The following SPATA13 variants were observed in gnomAD, a reference collection of about 807,000 sequenced individuals.
The protein encoded by SPATA13 is spermatogenesis-associated protein 13.
In SPATA13, 50 loss-of-function variants were observed where a neutral mutation model predicts 104.0. The observed-to-expected ratio is 0.48, with a 90% CI of 0.38 to 0.61. The LOEUF (loss-of-function observed/expected upper bound fraction) is 0.61. Ranked by LOEUF, SPATA13 falls within the 20% of genes least tolerant of loss-of-function variation. The pLI, the probability that SPATA13 is intolerant of heterozygous loss-of-function variation, is 0.00. For missense variants in SPATA13, 1,524 were observed against 1,690.6 expected (o/e 0.90, Z 1.73); for synonymous variants, 606 against 667.5 (o/e 0.91, Z 1.42).
intron 3 of SPATA13, among the ~76,000 whole-genome samples, chr13:24,087,896 C>T (rs945334282): frequency 7.2e-5 from 11 of 152,188 alleles, no homozygotes; most frequent in Non-Finnish European, 1.2e-4. Context: ...CTGGTCCCAC[C>T]GGTAGTCTTG....
At chr13:24,124,027 A>T (rs896757933) in intron 3 of SPATA13, among the ~76,000 whole-genome samples, 1 of 152,120 alleles carries the variant, frequency 6.6e-6, no homozygotes, top group Non-Finnish European at 1.5e-5. Context: ...TCCAGCTAGG[A>T]AAGATTGGGC....
At chr13:24,258,038 T>G (rs1176682527) in intron 4 of SPATA13, among the ~76,000 whole-genome samples, 2 of 152,160 alleles carry the variant, frequency 1.3e-5, no homozygotes, top group African/African-American at 4.8e-5. Context: ...AAAACTAGCC[T>G]AACCAACATG....
intron 3 of SPATA13, among the ~76,000 whole-genome samples, chr13:24,150,022 G>C (rs771568782): frequency 2.0e-5 from 3 of 152,076 alleles, no homozygotes; most frequent in Non-Finnish European, 4.4e-5. Flanking sequence ...AGAGTCGGGG[G>C]ACTGTCCCAC....
At chr13:23,981,406 A>G (rs1158304058) in intron 1 of SPATA13, among the ~76,000 whole-genome samples, 6 of 152,246 alleles carry the variant, frequency 3.9e-5, no homozygotes, top group African/African-American at 1.4e-4. Context: ...CTGAGGCTCT[A>G]CTATGTGCTG....
At chr13:24,147,952 T>C (rs1472319916) in intron 3 of SPATA13, among the ~76,000 whole-genome samples, 1 of 152,212 alleles carries the variant, frequency 6.6e-6, no homozygotes, top group East Asian at 1.9e-4. Context: ...AAGGCTAATA[T>C]TCTATTGTAT....
intron 2 of SPATA13, among the ~76,000 whole-genome samples, chr13:24,014,879 A>ATTTT (rs10566756): frequency 0.05 from 3,944 of 78,524 alleles, 621 homozygotes; most frequent in Non-Finnish European, 0.075. Flanking sequence ...CACTTTCTGG[A>ATTTT]TTTTTTTTTT....
chr13:24,003,862 A>G (rs188690582), intron 2 of SPATA13, among the ~76,000 whole-genome samples: 5 of 152,358 alleles, frequency 3.3e-5, no homozygotes, highest in African/African-American at 9.6e-5. Flanking sequence ...GGGAAAAAAC[A>G]CAATATACAT....
At chr13:23,982,911 C>T (rs1440649732) in intron 1 of SPATA13, among the ~76,000 whole-genome samples, 1 of 152,228 alleles carries the variant, frequency 6.6e-6, no homozygotes, top group Non-Finnish European at 1.5e-5. Context: ...AAGATCCCTT[C>T]TCTCCCTCAC....
intron 4 of SPATA13, among the ~76,000 whole-genome samples, chr13:24,253,819 T>C (rs1384484370): frequency 2.0e-5 from 3 of 152,006 alleles, no homozygotes; most frequent in Non-Finnish European, 4.4e-5. Flanking sequence ...GGAAACATGA[T>C]GTGTCTGAGG....
intron 3 of SPATA13, among the ~76,000 whole-genome samples, chr13:24,036,681 T>C (rs1443538366): frequency 6.6e-6 from 1 of 152,154 alleles, no homozygotes; most frequent in Non-Finnish European, 1.5e-5. Context: ...TGTGAGATCA[T>C]AGACAAATTG....
intron 3 of SPATA13, among the ~76,000 whole-genome samples, chr13:24,027,048 G>A (rs556980388): frequency 6.6e-6 from 1 of 151,476 alleles, no homozygotes; most frequent in Non-Finnish European, 1.5e-5. Context: ...ATATATGTAA[G>A]AAAGTTGATT....
In SPATA13 at chr13:24,212,789, G is replaced by T. The variant is rs117337861; in HGVS notation, c.-111-10030G>T. Among the ~76,000 whole-genome samples the T allele has an allele frequency of 7.0e-3, 1,072 of 152,322 alleles. 8 individuals carry two copies. Among genetic ancestry groups the T allele is most frequent in the Non-Finnish European group, 0.011 (728 of 68,028 alleles). On this transcript the variant is annotated intron_variant, in intron 1 of 12. Transcript: ENST00000382108. ...TTTGTTTGGTGGATAGGCAGGCTCAGCCTCCTGAATCTTGCTTACTTCATA... is the reference window on the plus strand; with the variant it reads ...TTTGTTTGGTGGATAGGCAGGCTCATCCTCCTGAATCTTGCTTACTTCATA...
At chr13:24,221,763 G>C (rs559713982) in intron 1 of SPATA13, among the ~76,000 whole-genome samples, 1 of 151,576 alleles carries the variant, frequency 6.6e-6, no homozygotes, top group African/African-American at 2.4e-5. Context: ...GTGGGAAGAG[G>C]AAAAAGATGC....
intron 2 of SPATA13, among the ~76,000 whole-genome samples, chr13:24,237,197 A>C (rs1212754402): frequency 6.6e-6 from 1 of 151,984 alleles, no homozygotes; most frequent in African/African-American, 2.4e-5. Context: ...CTCTACTAAA[A>C]ATACAAAAAA....
intron 3 of SPATA13, among the ~76,000 whole-genome samples, chr13:24,059,339 A>C (rs1878697990): frequency 6.6e-6 from 1 of 151,668 alleles, no homozygotes; most frequent in African/African-American, 2.4e-5. Flanking sequence ...TCACAAAAAA[A>C]AAAGGCTTGT....
intron 2 of SPATA13, chr13:23,983,996 T>C (rs1469844122): frequency 1.0e-6 from 1 of 971,664 alleles, no homozygotes; most frequent in African/African-American, 1.8e-5. Flanking sequence ...AAGATACCTA[T>C]GGCAGAGTAT....
chr13:24,070,012 A>T (rs1170059861), intron 3 of SPATA13, among the ~76,000 whole-genome samples: 1 of 152,204 alleles, frequency 6.6e-6, no homozygotes, highest in African/African-American at 2.4e-5. Flanking sequence ...CAAGTAACTC[A>T]TTGGATAGAG....
chr13:24,134,465 G>T (rs535084579), intron 3 of SPATA13, among the ~76,000 whole-genome samples: 2 of 152,302 alleles, frequency 1.3e-5, no homozygotes, highest in East Asian at 3.9e-4. Flanking sequence ...GAGGTCGTAT[G>T]GATGCCGAGA....
rs769239593 is a variant in SPATA13, at chr13:24,223,448, C to G, written c.519C>G (p.Leu173=). 2.6e-6 allele frequency: 4 copies of G among 1,550,634 alleles called. No individual in the cohort carries two copies. Among genetic ancestry groups the G allele is most frequent in the South Asian group, 2.4e-5 (2 of 84,066 alleles). ...PLAPGPACGA[L]RPAEWGTLDG... is the part of the protein sequence containing the mutation. ...CACCGGGACCAGCATGTGGTGCCCT[C>G]AGGCCAGCAGAGTGGGGCACATTGG... Residue 173 remains leucine (L), a synonymous_variant, in exon 2 of 13, where the codon CTC becomes CTG. Transcript: ENST00000382108.
Sources: allele counts gnomAD v4.1 joint callset (sites outside exome capture counted in the v4.1 genomes callset), GRCh38; gene constraint gnomAD v4.1.1; transcripts MANE v1.5; gene names NCBI Gene and HGNC (gene_info 2026-07-23, HGNC 2026-07-21).